SUSD3: variants seen among roughly 807,000 people sequenced by gnomAD.
The protein encoded by SUSD3 is sushi domain containing 3.
In SUSD3, 18 loss-of-function variants were observed where a neutral mutation model predicts 20.6. The observed-to-expected ratio is 0.87, with a 90% CI of 0.60 to 1.30. The LOEUF is 1.30. Ranked by LOEUF, SUSD3 falls within the 50% of genes most tolerant of loss-of-function variation. The pLI is 0.00. For missense variants in SUSD3, 306 were observed against 346.9 expected, an observed-to-expected ratio of 0.88 and a Z score of 0.94; for synonymous variants, 137 against 141.5, an observed-to-expected ratio of 0.97 and a Z score of 0.23.
chr9:93,074,506 TGGGTAAGGGAATCATTCCCTCC>T (rs1826046229), intron 1 of SUSD3, among the ~76,000 whole-genome samples: 1 of 149,390 alleles, frequency 6.7e-6, no homozygotes, highest in Non-Finnish European at 1.5e-5. Context: ...TGGATGGCCC[TGGGTAAGGGAATCATTCCCTCC>T]TGCTGGAGGC....
intron 4 of SUSD3, among the ~76,000 whole-genome samples, chr9:93,084,280 G>T (rs1826550567): frequency 6.6e-6 from 1 of 152,110 alleles, no homozygotes; most frequent in African/African-American, 2.4e-5. Context: ...AGGGGGGCAA[G>T]TGTCTGACTC....
chr9:93,075,751 C>CCCCCCCCCCCCT, intron 1 of SUSD3, 33 bp from the exon 2 acceptor site: 1 of 248,754 alleles, frequency 4.0e-6, no homozygotes, highest in South Asian at 4.3e-5. Flanking sequence ...CCCCCCCCCC[C>CCCCCCCCCCCCT]CCGCCATGCC....
At chr9:93,063,020 A>G (rs1168081395) in intron 1 of SUSD3, among the ~76,000 whole-genome samples, 1 of 152,210 alleles carries the variant, frequency 6.6e-6, no homozygotes, top group Non-Finnish European at 1.5e-5. Context: ...TGGCACTGCC[A>G]TCATGCAGCC....
intron 4 of SUSD3, among the ~76,000 whole-genome samples, chr9:93,082,455 C>T (rs1376638460): frequency 6.6e-6 from 1 of 151,798 alleles, no homozygotes; most frequent in Admixed American, 6.6e-5. Flanking sequence ...GTAGCTGGGA[C>T]CACAGGTGTC....
rs890046700 is a variant in SUSD3, at chr9:93,062,907, G to T, written c.88+4077G>T. On this transcript the variant is annotated intron_variant, in intron 1 of 4. Transcript: ENST00000375472. ...TGTGCTGCCTGCCTGCCCCATCCTG[G>T]CTGTGAGTTCGCTGTGAATCCTACG... 1.9e-4 allele frequency among the ~76,000 whole-genome samples: 29 copies of T among 152,140 alleles called. 1 individual carries two copies. The highest frequency in any genetic ancestry group is 1.9e-3 in the Admixed American group (29 of 15,270).
chr9:93,073,249 T>C (rs1441580590), intron 1 of SUSD3, among the ~76,000 whole-genome samples: 1 of 147,676 alleles, frequency 6.8e-6, no homozygotes, highest in African/African-American at 2.5e-5. Context: ...CTGTTCTTTT[T>C]TTTTTTTTTT....
At chr9:93,079,085 A>T (rs1826295544) in intron 3 of SUSD3, among the ~76,000 whole-genome samples, 1 of 152,194 alleles carries the variant, frequency 6.6e-6, no homozygotes, top group African/African-American at 2.4e-5. Flanking sequence ...TACAGGCATG[A>T]GCCACTGCGC....
intron 1 of SUSD3, chr9:93,069,007 G>T: frequency 1.6e-6 from 1 of 618,002 alleles, no homozygotes; most frequent in South Asian, 1.8e-5. Flanking sequence ...TGTGAATGTG[G>T]TCTCTCTCTC....
intron 2 of SUSD3, among the ~76,000 whole-genome samples, chr9:93,076,583 A>T (rs1826177617): frequency 6.6e-6 from 1 of 152,214 alleles, no homozygotes; most frequent in African/African-American, 2.4e-5. Context: ...TTTTGTGCAT[A>T]AAAAGGGCTC....
At chr9:93,070,523 C>A (rs114118097) in intron 1 of SUSD3, among the ~76,000 whole-genome samples, 1,854 of 152,334 alleles carry the variant, frequency 0.012, 39 homozygotes, top group African/African-American at 0.043. Flanking sequence ...CCTGGCGGAA[C>A]CACAAACTGG....
At position 93,078,008 on chromosome 9, in the gene SUSD3, T is replaced by G; in HGVS notation, c.425+15T>G. 2 of 1,614,058 alleles carry G rather than the reference T, an allele frequency of 1.2e-6. No individual in the cohort carries two copies. The highest frequency in any genetic ancestry group is 1.7e-6 in the Non-Finnish European group (2 of 1,180,010). ...CGCTCCAACAGGTACGGTGGCCTCA[T>G]GATCTCAGGGTCCTCCCGGGAGGCG... On this transcript the variant is annotated intron_variant, in intron 3 of 4. Transcript: ENST00000375472.
chr9:93,067,623 G>A (rs1177144239), intron 1 of SUSD3, among the ~76,000 whole-genome samples: 1 of 146,446 alleles, frequency 6.8e-6, no homozygotes, highest in African/African-American at 2.6e-5. Flanking sequence ...TTCTTGAAAC[G>A]AAGTCTTGCT....
chr9:93,081,701 C>T (rs1458827735), intron 4 of SUSD3, among the ~76,000 whole-genome samples: 1 of 152,170 alleles, frequency 6.6e-6, no homozygotes, highest in Non-Finnish European at 1.5e-5. Context: ...TTTCCTGACG[C>T]TTCAAGTGTG....
chr9:93,068,146 C>T (rs543448813), intron 1 of SUSD3, among the ~76,000 whole-genome samples: 117 of 152,304 alleles, frequency 7.7e-4, no homozygotes, highest in Non-Finnish European at 1.2e-3. Context: ...TATTTTCTCC[C>T]TATTGGTAAG....
At position 93,072,467 on chromosome 9, in the gene SUSD3, C is replaced by G. The variant is rs139895240; in HGVS notation, c.89-3317C>G. Among the ~76,000 whole-genome samples, 870 of 152,328 alleles carry G rather than the reference C, an allele frequency of 5.7e-3. 7 individuals are homozygous for G. Among genetic ancestry groups the G allele is most frequent in the Non-Finnish European group, 8.5e-3 (580 of 68,024 alleles). The stretch of plus-strand genomic sequence containing the variant: ...GGCACAGAGCCTCTGGTAGCCTCCA[C>G]TTTTGCCAGATCCCAGACCAGACTT... On this transcript the variant is annotated intron_variant, in intron 1 of 4. Coordinates refer to ENST00000375472, the MANE Select transcript of SUSD3 (RefSeq NM_145006.4).
chr9:93,068,887 A>G (rs142596579), intron 1 of SUSD3, among the ~76,000 whole-genome samples: 1 of 152,292 alleles, frequency 6.6e-6, no homozygotes, highest in African/African-American at 2.4e-5. Context: ...TTTTTTCCCT[A>G]AACACATGTA....
chr9:93,075,756 C>CCCCCCCCT, intron 1 of SUSD3, 28 bp from the exon 2 acceptor site: 2 of 539,978 alleles, frequency 3.7e-6, no homozygotes, highest in South Asian at 2.0e-5. Flanking sequence ...CCCCCCCCGC[C>CCCCCCCCT]ATGCCTCATA....
chr9:93,062,014 A>AGGTCCAAG (rs1372286050), intron 1 of SUSD3, among the ~76,000 whole-genome samples: 14 of 152,234 alleles, frequency 9.2e-5, no homozygotes, highest in Admixed American at 3.3e-4. Context: ...GGCCGACCTG[A>AGGTCCAAG]GGTCCAAGGT....
intron 4 of SUSD3, among the ~76,000 whole-genome samples, chr9:93,082,128 G>A (rs780805575): frequency 5.3e-5 from 8 of 152,276 alleles, no homozygotes; most frequent in Admixed American, 3.9e-4. Context: ...GGTAGTTTCC[G>A]TCAGCATTTC....
Sources: allele counts gnomAD v4.1 joint callset (sites outside exome capture counted in the v4.1 genomes callset), GRCh38; gene constraint gnomAD v4.1.1; transcripts MANE v1.5; gene names NCBI Gene and HGNC (gene_info 2026-07-23, HGNC 2026-07-21).